Variants in DCAF5 observed in about 807,000 individuals in gnomAD.
DCAF5 encodes DDB1- and CUL4-associated factor 5.
DCAF5 carries 9 observed loss-of-function variants against 80.7 expected under a neutral mutation model. The observed-to-expected ratio is 0.11, with a 90% CI of 0.07 to 0.19. The LOEUF (loss-of-function observed/expected upper bound fraction) is 0.19. DCAF5 is among the 10% of genes least tolerant of loss of function. The pLI is 1.00. For missense variants in DCAF5, 842 were observed against 1,205.7 expected, an observed-to-expected ratio of 0.70 and a Z score of 4.47; for synonymous variants, 433 against 461.9, an observed-to-expected ratio of 0.94 and a Z score of 0.80.
chr14:69,101,937 G>C (rs1041836960), intron 5 of DCAF5, among the ~76,000 whole-genome samples: 1 of 152,120 alleles, frequency 6.6e-6, no homozygotes, highest in African/African-American at 2.4e-5. Context: ...GCGCTTGCAG[G>C]ACTGGAAGTT....
chr14:69,116,151 T>C (rs2040538003), intron 5 of DCAF5, among the ~76,000 whole-genome samples: 2 of 152,180 alleles, frequency 1.3e-5, no homozygotes, highest in Admixed American at 1.3e-4. Context: ...CAGTCCAGAT[T>C]ACTGTTTATG....
rs946323998 is a variant in DCAF5, at chr14:69,052,040, C to T, written c.*1817G>A. ...TAATGTTGGTTACAGAATCACTTTC[C>T]CACTCCCCCAGTAAAAGTCCAGGTG... On this transcript the variant is annotated 3_prime_UTR_variant, in exon 9 of 9. Transcript: ENST00000341516. 2.0e-5 allele frequency: 3 copies of T among 152,404 alleles called. No individual in the cohort carries two copies. Among genetic ancestry groups the T allele is most frequent in the Admixed American group, 6.5e-5 (1 of 15,280 alleles). 9.4% of individuals were successfully genotyped at this position (152,404 alleles called of 1,614,324 possible).
At chr14:69,078,008 A>G (rs2038965076) in intron 6 of DCAF5, among the ~76,000 whole-genome samples, 1 of 152,208 alleles carries the variant, frequency 6.6e-6, no homozygotes, top group African/African-American at 2.4e-5. Flanking sequence ...CTAAGATTCT[A>G]TGATTACACT....
intron 6 of DCAF5, among the ~76,000 whole-genome samples, chr14:69,081,323 T>C (rs936106570): frequency 6.6e-6 from 1 of 152,142 alleles, no homozygotes. Context: ...TTTGGTTTTG[T>C]GGGTAAGGTG....
In DCAF5 at chr14:69,152,518, C is replaced by G; in HGVS notation, c.214+247G>C. 1.9e-6 allele frequency: 1 copy of G among 531,850 alleles called. No individual in the cohort carries two copies. Among genetic ancestry groups the G allele is most frequent in the Non-Finnish European group, 3.4e-6 (1 of 294,204 alleles). 32.9% of individuals were successfully genotyped at this position (531,850 alleles called of 1,614,324 possible). On this transcript the variant is annotated intron_variant, in intron 1 of 8. Transcript: ENST00000341516. This position sits in a 1 kb window ranked among gnomAD's most constrained non-coding sequence, Gnocchi z 4.1. ...TCAGGGCAGGCATCAGGAGAGATCACTTTGCACTTGGGATAAAGCGAATTA... is the reference window on the plus strand; with the variant it reads ...TCAGGGCAGGCATCAGGAGAGATCAGTTTGCACTTGGGATAAAGCGAATTA...
At chr14:69,103,570 T>C (rs1276348044) in intron 5 of DCAF5, among the ~76,000 whole-genome samples, 2 of 152,230 alleles carry the variant, frequency 1.3e-5, no homozygotes, top group African/African-American at 4.8e-5. Flanking sequence ...GAAAATTACA[T>C]TGGCACAATC....
rs1194193312 is a variant in DCAF5, at chr14:69,152,475, C to G, written c.214+290G>C. 20 of 321,460 alleles carry G rather than the reference C, an allele frequency of 6.2e-5. No individual in the cohort carries two copies. The South Asian group carries it at 7.9e-4, about 13-fold the overall frequency. The allele number at this position is 321,460 out of a possible 1,614,324, so 19.9% of individuals were successfully genotyped here. A position where few individuals can be genotyped will look rare whatever the true frequency, so the allele number is the denominator to read the frequency against. On this transcript the variant is annotated intron_variant, in intron 1 of 8. Coordinates refer to ENST00000341516, the MANE Select transcript of DCAF5 (RefSeq NM_003861.3). This position sits in a 1 kb window ranked among gnomAD's most constrained non-coding sequence, Gnocchi z 4.1. ...CTTTGTAGAGCGGTAACCTCGCCCC[C>G]CTCCCCGACCTACACTTTCAGGGCA...
chr14:69,112,594 TAC>T (rs3044674), intron 5 of DCAF5, among the ~76,000 whole-genome samples: 22,497 of 144,982 alleles, frequency 0.16, 1,755 homozygotes, highest in Admixed American at 0.18. Context: ...TATATATGTA[TAC>T]ACACACACAC....
chr14:69,074,091 T>C (rs148685247), intron 7 of DCAF5, among the ~76,000 whole-genome samples: 1 of 152,170 alleles, frequency 6.6e-6, no homozygotes, highest in African/African-American at 2.4e-5. Flanking sequence ...ATGCCAAAAG[T>C]AGGCCCCAAC....
At chr14:69,079,804 T>C (rs1352858696) in intron 6 of DCAF5, among the ~76,000 whole-genome samples, 1 of 152,014 alleles carries the variant, frequency 6.6e-6, no homozygotes, top group Non-Finnish European at 1.5e-5. Flanking sequence ...ACATATATAA[T>C]GTGGGTAGAG....
At chr14:69,142,624 T>C (rs2041411191) in intron 1 of DCAF5, among the ~76,000 whole-genome samples, 1 of 152,198 alleles carries the variant, frequency 6.6e-6, no homozygotes, top group South Asian at 2.1e-4. Context: ...GAAAAAGTGC[T>C]TCCAAATGAC....
chr14:69,073,369 A>G (rs1415542838), intron 7 of DCAF5, among the ~76,000 whole-genome samples: 2 of 152,202 alleles, frequency 1.3e-5, no homozygotes, highest in Non-Finnish European at 2.9e-5. Flanking sequence ...CAGCACCTTG[A>G]TCGTGGACTT....
intron 6 of DCAF5, among the ~76,000 whole-genome samples, chr14:69,079,142 T>C (rs1309067049): frequency 6.6e-6 from 1 of 152,198 alleles, no homozygotes; most frequent in Non-Finnish European, 1.5e-5. Flanking sequence ...GTGAGCCCAG[T>C]GGTCTTATCA....
chr14:69,105,099 T>C (rs1355614321), intron 5 of DCAF5, among the ~76,000 whole-genome samples: 1 of 152,082 alleles, frequency 6.6e-6, no homozygotes, highest in Non-Finnish European at 1.5e-5. Flanking sequence ...AAGTTTAATA[T>C]AGGATCACCA....
intron 2 of DCAF5, among the ~76,000 whole-genome samples, chr14:69,121,682 G>C (rs528407949): frequency 2.4e-4 from 37 of 152,178 alleles, no homozygotes; most frequent in Middle Eastern, 6.8e-3. Flanking sequence ...TCAGAAAAGA[G>C]GTCAGAACTA....
At chr14:69,127,343 T>G (rs1397677278) in intron 1 of DCAF5, among the ~76,000 whole-genome samples, 1 of 152,162 alleles carries the variant, frequency 6.6e-6, no homozygotes, top group Non-Finnish European at 1.5e-5. Flanking sequence ...TGAAAAGACG[T>G]GGAGAAACCT....
At chr14:69,133,105 A>C (rs1018558292) in intron 1 of DCAF5, among the ~76,000 whole-genome samples, 1 of 152,216 alleles carries the variant, frequency 6.6e-6, no homozygotes, top group African/African-American at 2.4e-5. Flanking sequence ...GACTATCCTA[A>C]GGGTCTTATA....
chr14:69,075,034 C>CA (rs372341285), intron 7 of DCAF5, among the ~76,000 whole-genome samples: 18,077 of 119,234 alleles, frequency 0.15, 2,091 homozygotes, highest in African/African-American at 0.36. Context: ...AACTTTGTCT[C>CA]AAAAAAAAAA....
chr14:69,124,637 T>A (rs2040822869), intron 1 of DCAF5, among the ~76,000 whole-genome samples: 1 of 152,220 alleles, frequency 6.6e-6, no homozygotes, highest in Non-Finnish European at 1.5e-5. Flanking sequence ...ATCTAAATTA[T>A]GTATTTCTTA....
Sources: gnomAD v4.1 joint callset for allele counts (sites outside exome capture counted in the v4.1 genomes callset) on GRCh38, gnomAD v4.1.1 for gene constraint, Gnocchi (gnomAD v3.1) non-coding constraint, MANE v1.5 for transcripts, NCBI Gene and HGNC (gene_info 2026-07-23, HGNC 2026-07-21) for gene names.